KCNN2: variants seen among roughly 807,000 people sequenced by gnomAD.
The protein encoded by KCNN2 is potassium calcium-activated channel subfamily N member 2, also known as small conductance calcium-activated potassium channel protein 2.
Under a neutral mutation model 55.5 loss-of-function variants are expected in KCNN2, and 24 were observed. The observed-to-expected ratio is 0.43, with a 90% confidence interval of 0.31 to 0.61. The LOEUF is 0.61. KCNN2 is among the 20% of genes least tolerant of loss of function. The pLI is 0.08. For missense variants in KCNN2, 754 were observed against 853.6 expected (o/e 0.88, Z 1.45); for synonymous variants, 431 against 336.1 (o/e 1.28, Z -3.09).
At chr5:114,090,135 C>T (rs1385449621) in intron 1 of KCNN2, among the ~76,000 whole-genome samples, 1 of 151,986 alleles carries the variant, frequency 6.6e-6, no homozygotes, top group Non-Finnish European at 1.5e-5. Flanking sequence ...ATATTTAGAG[C>T]AAAGGCAATC....
chr5:114,351,205 G>A (rs1472288287), intron 2 of KCNN2, among the ~76,000 whole-genome samples: 1 of 151,610 alleles, frequency 6.6e-6, no homozygotes, highest in Admixed American at 6.6e-5. Flanking sequence ...TCTTTTTGAT[G>A]ACTTTACAAA....
At chr5:114,263,170 AG>A (rs1292926459) in intron 2 of KCNN2, among the ~76,000 whole-genome samples, 2 of 152,130 alleles carry the variant, frequency 1.3e-5, no homozygotes, top group Admixed American at 6.6e-5. Flanking sequence ...AAGCTGAAAA[AG>A]GAAAAAAAAA....
intron 1 of KCNN2, among the ~76,000 whole-genome samples, chr5:114,220,825 CAAAAAAAA>C (rs11311434): frequency 6.0e-4 from 55 of 91,888 alleles, no homozygotes; most frequent in Non-Finnish European, 3.2e-4. Flanking sequence ...GACTCCATCT[CAAAAAAAA>C]AAAAAAAAAA....
intron 2 of KCNN2, among the ~76,000 whole-genome samples, chr5:114,296,430 C>A (rs564019355): frequency 6.6e-6 from 1 of 152,296 alleles, no homozygotes; most frequent in South Asian, 2.1e-4. Context: ...TAGGGATAAA[C>A]CCTTAGGCAT....
At chr5:114,371,463 A>T (rs1328505572) in intron 2 of KCNN2, among the ~76,000 whole-genome samples, 1 of 152,096 alleles carries the variant, frequency 6.6e-6, no homozygotes. Flanking sequence ...AGTCTAAGAG[A>T]TAGGAGTGTT....
intron 2 of KCNN2, among the ~76,000 whole-genome samples, chr5:114,338,485 C>T (rs1178250286): frequency 2.0e-5 from 3 of 152,142 alleles, no homozygotes; most frequent in African/African-American, 7.2e-5. Context: ...AAGCTATGCA[C>T]CATCCTCACT....
At chr5:114,327,039 A>G (rs1250051483) in intron 2 of KCNN2, among the ~76,000 whole-genome samples, 1 of 152,236 alleles carries the variant, frequency 6.6e-6, no homozygotes. Context: ...TCTCTCACAC[A>G]CAGACGTAAA....
At chr5:114,320,562 C>T (rs888411090) in intron 2 of KCNN2, among the ~76,000 whole-genome samples, 3 of 151,140 alleles carry the variant, frequency 2.0e-5, no homozygotes, top group Non-Finnish European at 2.9e-5. Context: ...GGCAGTGAGC[C>T]GAGATCGCGC....
At chr5:114,092,049 G>A (rs1586429) in intron 1 of KCNN2, among the ~76,000 whole-genome samples, 82,727 of 151,894 alleles carry the variant, frequency 0.54, 22,991 homozygotes, top group East Asian at 0.69. Context: ...TCATTCCAGC[G>A]TTAACCCAAA....
At chr5:114,165,049 G>T (rs1752880372) in intron 1 of KCNN2, among the ~76,000 whole-genome samples, 1 of 152,174 alleles carries the variant, frequency 6.6e-6, no homozygotes, top group Admixed American at 6.5e-5. Flanking sequence ...CAGCAAGCAA[G>T]TGTTAAAGGT....
At chr5:114,089,988 T>C (rs1751102397) in intron 1 of KCNN2, among the ~76,000 whole-genome samples, 1 of 152,186 alleles carries the variant, frequency 6.6e-6, no homozygotes, top group African/African-American at 2.4e-5. Flanking sequence ...ATGTGGGTGG[T>C]CTGGATATTT....
At chr5:114,366,335 A>G (rs1429759438) in intron 2 of KCNN2, among the ~76,000 whole-genome samples, 2 of 152,200 alleles carry the variant, frequency 1.3e-5, no homozygotes, top group Non-Finnish European at 2.9e-5. Context: ...TTTATTTTAT[A>G]TGATATGTGG....
chr5:114,255,257 TTG>T (rs1754960097), intron 2 of KCNN2, among the ~76,000 whole-genome samples: 1 of 152,106 alleles, frequency 6.6e-6, no homozygotes, highest in Non-Finnish European at 1.5e-5. Context: ...CATTGTAGTG[TTG>T]TAGTAGAGCT....
intron 1 of KCNN2, among the ~76,000 whole-genome samples, chr5:114,097,905 G>C (rs920954367): frequency 6.6e-6 from 1 of 152,140 alleles, no homozygotes; most frequent in African/African-American, 2.4e-5. Context: ...TTTTGCTGCT[G>C]TGACAAATTA....
chr5:114,093,020 A>T (rs921094454), intron 1 of KCNN2, among the ~76,000 whole-genome samples: 1 of 152,038 alleles, frequency 6.6e-6, no homozygotes, highest in African/African-American at 2.4e-5. Context: ...AGCTGCTTGA[A>T]TTTCTCCCTA....
At chr5:114,066,520 T>A (rs780305732) in intron 1 of KCNN2, among the ~76,000 whole-genome samples, 2 of 152,340 alleles carry the variant, frequency 1.3e-5, no homozygotes, top group Non-Finnish European at 2.9e-5. Context: ...GGATACACAC[T>A]ACTGTGGGAA....
intron 6 of KCNN2, among the ~76,000 whole-genome samples, chr5:114,489,579 A>G (rs575938630): frequency 1.1e-4 from 16 of 152,320 alleles, no homozygotes; most frequent in African/African-American, 3.8e-4. Flanking sequence ...TTATAAATTC[A>G]TCTAGGGGTT....
At chr5:114,158,745 A>G (rs1752696531) in intron 1 of KCNN2, among the ~76,000 whole-genome samples, 2 of 151,200 alleles carry the variant, frequency 1.3e-5, no homozygotes, top group African/African-American at 4.9e-5. Context: ...ATTCCTAGGT[A>G]TTTTATTCTC....
intron 2 of KCNN2, among the ~76,000 whole-genome samples, chr5:114,321,970 A>G (rs1225770298): frequency 6.6e-6 from 1 of 152,208 alleles, no homozygotes; most frequent in African/African-American, 2.4e-5. Context: ...ATTTCACAGA[A>G]GCTGTGAAGA....
Sources: gnomAD v4.1 joint callset for allele counts (sites outside exome capture counted in the v4.1 genomes callset) on GRCh38, gnomAD v4.1.1 for gene constraint, MANE v1.5 for transcripts, NCBI Gene and HGNC (gene_info 2026-07-23, HGNC 2026-07-21) for gene names.